BACE1-AS: variants seen among roughly 807,000 people sequenced by gnomAD.
The protein encoded by BACE1-AS is BACE1 antisense RNA (non-protein coding).
intron 1 of BACE1-AS, among the ~76,000 whole-genome samples, chr11:117,291,542 C>T (rs566642429): frequency 7.2e-5 from 11 of 152,274 alleles, no homozygotes; most frequent in African/African-American, 2.4e-4. Flanking sequence ...TCCCAAAGTG[C>T]TGGGATTACA....
At chr11:117,291,591 T>C (rs2034438671) in intron 1 of BACE1-AS, 9 of 706,678 alleles carry the variant, frequency 1.3e-5, no homozygotes, top group Non-Finnish European at 2.2e-5. Context: ...AAGAGTGTTT[T>C]AAGAGCTCTG....
At chr11:117,291,719 G>C (rs542748548) in exon 2 of BACE1-AS, 2 of 1,611,642 alleles carry the variant, frequency 1.2e-6, no homozygotes, top group Admixed American at 1.7e-5. Flanking sequence ...CACGGAGGAG[G>C]CTGCCTTGAT....
chr11:117,291,950 A>G (rs933167652), intron 2 of BACE1-AS: 4 of 564,372 alleles, frequency 7.1e-6, no homozygotes, highest in Non-Finnish European at 1.3e-5. Flanking sequence ...TGCTTGGACA[A>G]GTTAACCTCT....
chr11:117,291,581 A>G (rs2034438391), intron 1 of BACE1-AS: 3 of 644,422 alleles, frequency 4.7e-6, no homozygotes, highest in Non-Finnish European at 8.1e-6. Context: ...TGGCTAGGGG[A>G]AGAGTGTTTT....
At position 117,291,600 on chromosome 11, in the gene BACE1-AS, T is replaced by TGAGTA. The variant is rs1468637570; in HGVS notation, n.57-100_57-96dup. The TGAGTA allele has an allele frequency of 2.4e-5, 18 of 750,520 alleles. No homozygotes were observed. In the African/African-American group the frequency reaches 3.0e-4, roughly 12 times the overall value. 46.5% of individuals were successfully genotyped at this position (750,520 alleles called of 1,614,324 possible). On this transcript the variant is annotated intron_variant and non_coding_transcript_variant, in intron 1 of 3. Transcript: ENST00000614401. ...TAGGGGAAGAGTGTTTTAAGAGCTCTGAGTAGAAGGGTCTAAGTGCAGACA... is the reference window on the plus strand; with the variant it reads ...TAGGGGAAGAGTGTTTTAAGAGCTCTGAGTAGAGTAGAAGGGTCTAAGTGCAGACA...
chr11:117,291,587 GT>G (rs1021646945), intron 1 of BACE1-AS: 8 of 689,488 alleles, frequency 1.2e-5, no homozygotes, highest in Non-Finnish European at 2.0e-5. Flanking sequence ...GGGGAAGAGT[GT>G]TTTAAGAGCT....
exon 2 of BACE1-AS, chr11:117,291,723 C>A: frequency 6.2e-7 from 1 of 1,612,708 alleles, no homozygotes; most frequent in Non-Finnish European, 8.5e-7. Flanking sequence ...GAGGAGGCTG[C>A]CTTGATGGAT....
At chr11:117,292,031 T>G (rs2034454634) in intron 2 of BACE1-AS, 1 of 360,642 alleles carries the variant, frequency 2.8e-6, no homozygotes. Flanking sequence ...TTGTAAGGAT[T>G]AAATAAATCA....
chr11:117,291,830 A>G, intron 2 of BACE1-AS: 1 of 1,575,886 alleles, frequency 6.3e-7, no homozygotes, highest in Non-Finnish European at 8.7e-7. Flanking sequence ...GGGAAAAGAG[A>G]GAGTTAAAAG....
intron 2 of BACE1-AS, chr11:117,291,871 G>A: frequency 7.5e-7 from 1 of 1,340,854 alleles, no homozygotes; most frequent in Admixed American, 1.7e-5. Flanking sequence ...TGGGCTCTGG[G>A]CAGTAGGGGG....
rs2034456106 is a variant in BACE1-AS, at chr11:117,292,091, A to G, written n.126-120A>G. On this transcript the variant is annotated intron_variant and non_coding_transcript_variant, in intron 2 of 3. Coordinates refer to ENST00000614401, the Ensembl canonical transcript of BACE1-AS. ...GCCCAGCAGAGAGAAGGCACTTGGT[A>G]AATGTTTATTCTTGTTAATCTTGGG... The G allele has an allele frequency of 9.8e-6, 2 of 204,664 alleles. 1 individual carries two copies. The highest frequency in any genetic ancestry group is 3.3e-4 in the South Asian group (2 of 6,120). The allele number at this position is 204,664 out of a possible 1,614,324, so 12.7% of individuals were successfully genotyped here.
Position 117,291,689 on chromosome 11 carries a change from A to G in BACE1-AS, n.57-14A>G, listed in dbSNP as rs573665061. The G allele has an allele frequency of 3.9e-6, 6 of 1,546,296 alleles. No individual in the cohort carries two copies. In the African/African-American group the frequency reaches 6.8e-5, roughly 18 times the overall value. ...CCTCTGACACTGTACCATCTCTTTT[A>G]CCCCCATCCTTAGTCCACTCACGGA... On this transcript the variant is annotated splice_polypyrimidine_tract_variant and intron_variant and non_coding_transcript_variant, in intron 1 of 3. Transcript: ENST00000614401.
chr11:117,291,682 C>T (rs779087846), intron 1 of BACE1-AS: 5 of 1,507,184 alleles, frequency 3.3e-6, no homozygotes, highest in Non-Finnish European at 4.6e-6. Context: ...ACTGTACCAT[C>T]TCTTTTACCC....
intron 2 of BACE1-AS, chr11:117,291,881 G>T (rs1450733212): frequency 5.8e-5 from 72 of 1,239,156 alleles, no homozygotes; most frequent in Middle Eastern, 1.9e-4. Flanking sequence ...GCAGTAGGGG[G>T]TTACTGCTGG....
intron 2 of BACE1-AS, chr11:117,291,892 G>A (rs958355242): frequency 2.2e-5 from 24 of 1,088,194 alleles, no homozygotes; most frequent in Non-Finnish European, 3.2e-5. Flanking sequence ...TTACTGCTGG[G>A]GCCCCAGCTG....
At chr11:117,292,095 G>C (rs1182933523) in intron 2 of BACE1-AS, 1 of 177,852 alleles carries the variant, frequency 5.6e-6, no homozygotes, top group African/African-American at 2.4e-5. Context: ...CTTGGTAAAT[G>C]TTTATTCTTG....
chr11:117,291,641 A>T (rs2034440263), intron 1 of BACE1-AS: 13 of 1,133,010 alleles, frequency 1.1e-5, no homozygotes, highest in Non-Finnish European at 1.6e-5. Flanking sequence ...GCTGTTGCTG[A>T]AGAATGTGAC....
At chr11:117,291,866 T>G (rs2034449608) in intron 2 of BACE1-AS, 5 of 1,415,162 alleles carry the variant, frequency 3.5e-6, no homozygotes, top group Non-Finnish European at 4.0e-6. Flanking sequence ...GATGCTGGGC[T>G]CTGGGCAGTA....
At chr11:117,291,657 C>A in intron 1 of BACE1-AS, 1 of 1,302,606 alleles carries the variant, frequency 7.7e-7, no homozygotes, top group East Asian at 2.3e-5. Flanking sequence ...GTGACTCTCA[C>A]CGCCTCCCTC....
Sources: allele counts gnomAD v4.1 joint callset (sites outside exome capture counted in the v4.1 genomes callset), GRCh38; gene constraint gnomAD v4.1.1; transcripts MANE v1.5; gene names NCBI Gene and HGNC (gene_info 2026-07-23, HGNC 2026-07-21).